PCLO: variants seen among roughly 807,000 people sequenced by gnomAD.
PCLO encodes protein piccolo.
In PCLO, 82 loss-of-function variants were observed where a neutral mutation model predicts 427.5. That is an observed-to-expected ratio of 0.19 (90% CI 0.16 to 0.23). The LOEUF (loss-of-function observed/expected upper bound fraction) is 0.23. PCLO is among the 10% of genes least tolerant of loss of function. The probability of loss-of-function intolerance (pLI) is 1.00; values close to 1 mark genes in which losing one functional copy is unlikely to be tolerated. For synonymous variants in PCLO, 2,357 were observed against 2,155.4 expected (o/e 1.09, Z -2.59); for missense variants, 6,239 against 6,115.9 (o/e 1.02, Z -0.67).
chr7:83,065,514 A>T (rs2116331225), intron 3 of PCLO, among the ~76,000 whole-genome samples: 1 of 151,126 alleles, frequency 6.6e-6, no homozygotes, highest in East Asian at 1.9e-4. Flanking sequence ...AAAAAAAAAA[A>T]AGCAAGTACT....
rs376216629 is a variant in PCLO at position 82,966,152 on chromosome 7, C to T, written c.3636G>A (p.Lys1212=). 4.4e-6 allele frequency: 7 copies of T among 1,603,510 alleles called. No individual in the cohort carries two copies. Among genetic ancestry groups the T allele is most frequent in the Non-Finnish European group, 6.0e-6 (7 of 1,176,294 alleles). Residue 1212 remains lysine, a synonymous_variant, in exon 4 of 25, where the codon AAG becomes AAA. Coordinates refer to ENST00000333891, the MANE Select transcript of PCLO (RefSeq NM_033026.6). The part of the protein sequence containing the change: ...KDKASALQEK[K]PLPEEKKLIP... ...TTAGTTTTTTTTCTTCAGGGAGTGG[C>T]TTTTTTTCTTGAAGAGCTGAAGCTT...
intron 2 of PCLO, among the ~76,000 whole-genome samples, chr7:83,148,453 C>T (rs1398177026): frequency 6.6e-6 from 1 of 152,164 alleles, no homozygotes; most frequent in Non-Finnish European, 1.5e-5. Flanking sequence ...ACTTTGTTCA[C>T]TCTCATATTC....
intron 3 of PCLO, among the ~76,000 whole-genome samples, chr7:83,122,197 T>C (rs1791297635): frequency 6.6e-6 from 1 of 151,468 alleles, no homozygotes; most frequent in African/African-American, 2.4e-5. Flanking sequence ...CCACAGCTGA[T>C]GTACTGAATG....
chr7:82,881,891 C>T (rs1011322269), intron 9 of PCLO, among the ~76,000 whole-genome samples: 1 of 152,024 alleles, frequency 6.6e-6, no homozygotes, highest in African/African-American at 2.4e-5. Context: ...GACCCTTTTG[C>T]CTCAGCCTTC....
chr7:82,858,761 A>T (rs1792873819), intron 10 of PCLO, among the ~76,000 whole-genome samples: 1 of 152,190 alleles, frequency 6.6e-6, no homozygotes, highest in African/African-American at 2.4e-5. Flanking sequence ...TTAGCCAAGA[A>T]GGTGAAAAAT....
rs779589967 is a variant in PCLO, at chr7:83,135,187, T to C, written c.2363A>G (p.Glu788Gly). The C allele has an allele frequency of 1.2e-5, 20 of 1,613,790 alleles. No individual in the cohort carries two copies. The Admixed American group carries it at 3.3e-4, about 27-fold the overall frequency. Residue 788 changes from glutamate to glycine, a missense_variant, in exon 3 of 25, where the codon GAA becomes GGA. Physicochemically the swap from Glu to Gly is moderately conservative, Grantham distance 98 (BLOSUM62 -2). Coordinates refer to ENST00000333891, the MANE Select transcript of PCLO (RefSeq NM_033026.6). ...TTTTAGAGGAGGGGTTGTTTTCTCT[T>C]CAGCTTGTGACTGTACTTTGGAGCT... ...IPSSKVQSQA[E>G]EKTTPPLKTD...
chr7:82,896,543 T>C (rs564727729), intron 9 of PCLO, among the ~76,000 whole-genome samples: 202 of 151,796 alleles, frequency 1.3e-3, no homozygotes, highest in African/African-American at 4.6e-3. Context: ...TTTGCAAAGA[T>C]GGAAATCTCT....
intron 4 of PCLO, among the ~76,000 whole-genome samples, chr7:82,961,570 T>G (rs942799017): frequency 6.6e-6 from 1 of 152,166 alleles, no homozygotes; most frequent in African/African-American, 2.4e-5. Flanking sequence ...TGGAATACAA[T>G]GAGAAGACAC....
chr7:82,804,168 A>T (rs1791413552), intron 21 of PCLO, among the ~76,000 whole-genome samples: 1 of 152,174 alleles, frequency 6.6e-6, no homozygotes, highest in African/African-American at 2.4e-5. Context: ...TTTTCTGTCA[A>T]ATTGGATCAT....
intron 3 of PCLO, among the ~76,000 whole-genome samples, chr7:83,126,526 T>G (rs1791443525): frequency 6.6e-6 from 1 of 151,886 alleles, no homozygotes; most frequent in Admixed American, 6.6e-5. Flanking sequence ...CTCATAAAAT[T>G]AAAAATGTAA....
chr7:82,997,257 G>C (rs1787646002), intron 3 of PCLO, among the ~76,000 whole-genome samples: 1 of 151,890 alleles, frequency 6.6e-6, no homozygotes, highest in African/African-American at 2.4e-5. Flanking sequence ...AAGAGGAAAA[G>C]TGATTATAGG....
At chr7:82,949,426 A>T in intron 6 of PCLO, 50 bp downstream of exon 6, 1 of 1,386,510 alleles carries the variant, frequency 7.2e-7, no homozygotes, top group Non-Finnish European at 9.9e-7. Flanking sequence ...CTGAAAACAC[A>T]TGATTAATAA....
chr7:83,083,782 TCAAA>T (rs1790162124), intron 3 of PCLO, among the ~76,000 whole-genome samples: 1 of 152,114 alleles, frequency 6.6e-6, no homozygotes, highest in Admixed American at 6.6e-5. Context: ...CCCTGCCCAC[TCAAA>T]CATATTTGCA....
chr7:83,065,555 C>A (rs1454056741), intron 3 of PCLO, among the ~76,000 whole-genome samples: 1 of 149,484 alleles, frequency 6.7e-6, no homozygotes, highest in Non-Finnish European at 1.5e-5. Context: ...GTTGAAGATT[C>A]CAAAAAGAGA....
intron 10 of PCLO, among the ~76,000 whole-genome samples, chr7:82,868,361 T>C (rs987213594): frequency 1.3e-5 from 2 of 152,076 alleles, no homozygotes; most frequent in African/African-American, 4.8e-5. Context: ...GAGGCCAACT[T>C]CTAAAATCAA....
chr7:82,823,416 A>C (rs1044055220), intron 19 of PCLO, among the ~76,000 whole-genome samples: 2 of 152,176 alleles, frequency 1.3e-5, no homozygotes, highest in African/African-American at 4.8e-5. Flanking sequence ...AAAAGGTGAC[A>C]AGGAAGTAAT....
At chr7:83,068,271 T>C (rs1241456200) in intron 3 of PCLO, among the ~76,000 whole-genome samples, 5 of 152,204 alleles carry the variant, frequency 3.3e-5, no homozygotes, top group South Asian at 2.1e-4. Context: ...AGTTAGATCA[T>C]AGTAAAAGGT....
At chr7:83,047,240 T>C (rs1789125244) in intron 3 of PCLO, among the ~76,000 whole-genome samples, 2 of 151,970 alleles carry the variant, frequency 1.3e-5, no homozygotes, top group African/African-American at 4.8e-5. Context: ...ATTTTTAGCA[T>C]CAAAGTACTT....
chr7:82,909,407 CT>C (rs1416370533), intron 7 of PCLO, among the ~76,000 whole-genome samples: 3 of 152,052 alleles, frequency 2.0e-5, no homozygotes, highest in African/African-American at 7.2e-5. Flanking sequence ...CTCCCATACT[CT>C]CCCCACAACC....
Sources: gnomAD v4.1 joint callset for allele counts (sites outside exome capture counted in the v4.1 genomes callset) on GRCh38, gnomAD v4.1.1 for gene constraint, MANE v1.5 for transcripts, NCBI Gene and HGNC (gene_info 2026-07-23, HGNC 2026-07-21) for gene names.